The following DLL4 variants were observed in gnomAD, a reference collection of about 807,000 sequenced individuals.
The protein encoded by DLL4 is delta-like protein 4.
A neutral mutation model predicts 73.6 loss-of-function variants in DLL4; 7 were observed. The ratio of observed to expected loss-of-function variants is 0.10; its 90% CI spans 0.05 to 0.18. DLL4 has a LOEUF of 0.18. Among genes scored for constraint, DLL4 ranks in the 10% least tolerant of loss-of-function variants. The probability of loss-of-function intolerance (pLI) is 1.00; values close to 1 mark genes in which losing one functional copy is unlikely to be tolerated. For missense variants in DLL4, 614 were observed against 929.9 expected (o/e 0.66, Z 4.42); for synonymous variants, 345 against 374.3 (o/e 0.92, Z 0.90).
chr15:40,932,864 T>C (rs1448663884), intron 6 of DLL4, among the ~76,000 whole-genome samples: 4 of 152,156 alleles, frequency 2.6e-5, no homozygotes, highest in Non-Finnish European at 5.9e-5. Flanking sequence ...TCCGGTGGGG[T>C]GTGCCCACCG....
chr15:40,931,764 A>T lies in DLL4; in HGVS notation c.656A>T (p.Gln219Leu), dbSNP rs1255385683. 1 of 1,613,476 alleles carries T rather than the reference A, an allele frequency of 6.2e-7. No individual in the cohort carries two copies. The highest frequency in any genetic ancestry group is 8.5e-7 in the Non-Finnish European group (1 of 1,179,840). Residue 219 changes from glutamine (Q) to leucine (L), a missense_variant and splice_region_variant, in exon 4 of 11, where the codon CAG becomes CTG. By Grantham distance (113) the Gln-to-Leu change is moderately radical (BLOSUM62 -2). Coordinates refer to ENST00000249749, the MANE Select transcript of DLL4 (RefSeq NM_019074.4). The part of the protein sequence containing the change: ...LPGWTGEYCQ[Q>L]PICLSGCHEQ... The stretch of plus-strand genomic sequence containing the variant: ...GGTTGGACTGGGGAATATTGCCAAC[A>T]GCGTAAGCAGTCAAGCTCCCACCTG...
Position 40,930,983 on chromosome 15 carries a change from C to A in DLL4, c.394+301C>A. 2 of 517,718 alleles carry A rather than the reference C, an allele frequency of 3.9e-6. No individual in the cohort carries two copies. Among genetic ancestry groups the A allele is most frequent in the South Asian group, 5.0e-5 (2 of 40,032 alleles). The allele number at this position is 517,718 out of a possible 1,614,324, so 32.1% of individuals were successfully genotyped here. On this transcript the variant is annotated intron_variant, in intron 3 of 10. Transcript: ENST00000249749. The surrounding 1 kb of genome is among the most constrained non-coding windows in gnomAD (Gnocchi z 5.7). ...TATTTTACACCTTTCGCGAATTCCG[C>A]TCCTTTGGAAAGGGAATAATGGCTT...
chr15:40,930,191 C>T lies in DLL4; in HGVS notation c.336+75C>T. 1 of 1,528,644 alleles carries T rather than the reference C, an allele frequency of 6.5e-7. No homozygotes were observed. Among genetic ancestry groups the T allele is most frequent in the Non-Finnish European group, 8.8e-7 (1 of 1,134,450 alleles). 94.7% of individuals were successfully genotyped at this position (1,528,644 alleles called of 1,614,324 possible). A position where few individuals can be genotyped will look rare whatever the true frequency, so the allele number is the denominator to read the frequency against. ...GCGCCCTGGGACCAAAGCCCCCTCCCCAGATTTCCTTGTACACACACCCCC... is the reference window on the plus strand; with the variant it reads ...GCGCCCTGGGACCAAAGCCCCCTCCTCAGATTTCCTTGTACACACACCCCC... On this transcript the variant is annotated intron_variant, in intron 2 of 10. Transcript: ENST00000249749. The surrounding 1 kb of genome is among the most constrained non-coding windows in gnomAD (Gnocchi z 5.7).
At chr15:40,931,964 C>G (rs959382452) in intron 4 of DLL4, among the ~76,000 whole-genome samples, 198 bp downstream of exon 4, 3 of 152,232 alleles carry the variant, frequency 2.0e-5, no homozygotes, top group Non-Finnish European at 1.5e-5. Flanking sequence ...CCAAAGCCCA[C>G]AAGAACCCCA....
intron 6 of DLL4, 40 bp downstream of exon 6, chr15:40,932,487 A>T: frequency 1.2e-6 from 2 of 1,611,502 alleles, no homozygotes; most frequent in Non-Finnish European, 1.7e-6. Context: ...GGTGCAAGAG[A>T]TATGGGGCTG....
intron 6 of DLL4, among the ~76,000 whole-genome samples, 191 bp downstream of exon 6, chr15:40,932,638 G>A (rs1018772377): frequency 7.2e-5 from 11 of 152,166 alleles, no homozygotes; most frequent in South Asian, 2.1e-4. Context: ...TCCTTCTCCA[G>A]GTGCGGCGGC....
At position 40,930,567 on chromosome 15, in the gene DLL4, C is replaced by A; in HGVS notation, c.337-58C>A. The A allele has an allele frequency of 6.9e-7, 1 of 1,442,612 alleles. No individual in the cohort carries two copies. Among genetic ancestry groups the A allele is most frequent in the East Asian group, 2.3e-5 (1 of 43,726 alleles). The allele number at this position is 1,442,612 out of a possible 1,614,324, so 89.4% of individuals were successfully genotyped here. A position where few individuals can be genotyped will look rare whatever the true frequency, so the allele number is the denominator to read the frequency against. ...TTAAACAGGCTGCCGCAAGGCACCC[C>A]CACCTCTCCCCGCTTGCTCATCTCG... On this transcript the variant is annotated intron_variant, in intron 2 of 10. Coordinates refer to ENST00000249749, the MANE Select transcript of DLL4 (RefSeq NM_019074.4). This position sits in a 1 kb window ranked among gnomAD's most constrained non-coding sequence, Gnocchi z 5.7.
Position 40,931,642 on chromosome 15 carries a change from C to T in DLL4, c.534C>T (p.Asn178=), listed in dbSNP as rs753354782. Residue 178 remains asparagine (N), a synonymous_variant, in exon 4 of 11, where the codon AAC becomes AAT. Transcript: ENST00000249749. ...CTTACCGGGTCATCTGCAGTGACAA[C>T]TACTATGGAGACAACTGCTCCCGCC... The part of the protein sequence containing the change: ...RYSYRVICSD[N]YYGDNCSRLC... 13 of 1,613,402 alleles carry T rather than the reference C, an allele frequency of 8.1e-6. No individual in the cohort carries two copies. The South Asian group carries it at 1.4e-4, about 18-fold the overall frequency.
At position 40,934,830 on chromosome 15, in the gene DLL4, C is replaced by A. The variant is rs1007637173; in HGVS notation, c.1021-68C>A. The A allele has an allele frequency of 3.8e-6, 6 of 1,586,594 alleles. No individual in the cohort carries two copies. The African/African-American group carries it at 8.0e-5, about 21-fold the overall frequency. ...GGACAGGCATTGTGGGCAGGTGGAGCCCAGCCTTCAGTCACACATCCCTGC... is the reference window on the plus strand; with the variant it reads ...GGACAGGCATTGTGGGCAGGTGGAGACCAGCCTTCAGTCACACATCCCTGC... On this transcript the variant is annotated intron_variant, in intron 7 of 10. Coordinates refer to ENST00000249749, the MANE Select transcript of DLL4 (RefSeq NM_019074.4).
chr15:40,935,225 C>T, intron 8 of DLL4, 108 bp downstream of exon 8: 1 of 1,114,506 alleles, frequency 9.0e-7, no homozygotes, highest in Non-Finnish European at 1.3e-6. Context: ...CACTCTGGCC[C>T]CCCATCTGCT....
chr15:40,930,504 GA>G lies in DLL4; in HGVS notation c.337-120del. On this transcript the variant is annotated intron_variant, in intron 2 of 10. Coordinates refer to ENST00000249749, the MANE Select transcript of DLL4 (RefSeq NM_019074.4). This position sits in a 1 kb window ranked among gnomAD's most constrained non-coding sequence, Gnocchi z 5.7. ...ACACTGTGCACAGCCCCGTTATGTTGACCCGGGCGCAGTAACTGAATCCTGC... is the reference window on the plus strand; with the variant it reads ...ACACTGTGCACAGCCCCGTTATGTTGCCCGGGCGCAGTAACTGAATCCTGC... 1.2e-6 allele frequency: 1 copy of G among 839,504 alleles called. No homozygotes were observed. Among genetic ancestry groups the G allele is most frequent in the South Asian group, 1.6e-5 (1 of 64,324 alleles). 52.0% of individuals were successfully genotyped at this position (839,504 alleles called of 1,614,324 possible).
In DLL4 at chr15:40,930,581, T is replaced by C; in HGVS notation, c.337-44T>C. 4 of 1,550,598 alleles carry C rather than the reference T, an allele frequency of 2.6e-6. No homozygotes were observed. The South Asian group carries it at 3.4e-5, about 13-fold the overall frequency. ...GCAAGGCACCCCCACCTCTCCCCGC[T>C]TGCTCATCTCGCCATCTCTCCGTCC... On this transcript the variant is annotated intron_variant, in intron 2 of 10. Transcript: ENST00000249749. The surrounding 1 kb of genome is among the most constrained non-coding windows in gnomAD (Gnocchi z 5.7).
Position 40,932,132 on chromosome 15 carries a change from G to C in DLL4, c.659-39G>C, listed in dbSNP as rs141228754. ...GTGAGAATGGGGCTTAAGAGTCCTT[G>C]GTATCCCAGCCTCACCCAGCTCTGT... On this transcript the variant is annotated intron_variant, in intron 4 of 10. Transcript: ENST00000249749. 5.1e-5 allele frequency: 83 copies of C among 1,611,938 alleles called. No homozygotes were observed. In the East Asian group the frequency reaches 1.8e-3, roughly 35 times the overall value.
chr15:40,935,236 C>G (rs1252144132), intron 8 of DLL4, 119 bp downstream of exon 8: 4 of 1,022,028 alleles, frequency 3.9e-6, no homozygotes, highest in African/African-American at 1.6e-5. Flanking sequence ...CCCATCTGCT[C>G]TGGAGGGCGA....
rs141118229 is a variant in DLL4 at position 40,934,813 on chromosome 15, A to G, written c.1021-85A>G. On this transcript the variant is annotated intron_variant, in intron 7 of 10. Coordinates refer to ENST00000249749, the MANE Select transcript of DLL4 (RefSeq NM_019074.4). ...AGTGGATGTACAGCCATGGACAGGC[A>G]TTGTGGGCAGGTGGAGCCCAGCCTT... is the stretch of plus-strand genomic sequence containing the variant. 65 of 1,586,414 alleles carry G rather than the reference A, an allele frequency of 4.1e-5. 1 individual carries two copies. The Middle Eastern group carries it at 6.8e-4, about 17-fold the overall frequency.
intron 10 of DLL4, 26 bp downstream of exon 10, chr15:40,937,552 CT>C: frequency 6.5e-7 from 1 of 1,531,322 alleles, no homozygotes; most frequent in Non-Finnish European, 9.1e-7. Flanking sequence ...GCCTTTCCTT[CT>C]GCCTTTTGTG....
In DLL4 at chr15:40,938,108, C is replaced by A; in HGVS notation, c.*74C>A. 7.0e-7 allele frequency: 1 copy of A among 1,430,390 alleles called. No individual in the cohort carries two copies. The highest frequency in any genetic ancestry group is 9.3e-7 in the Non-Finnish European group (1 of 1,078,816). The allele number at this position is 1,430,390 out of a possible 1,614,324, so 88.6% of individuals were successfully genotyped here. A position where few individuals can be genotyped will look rare whatever the true frequency, so the allele number is the denominator to read the frequency against. On this transcript the variant is annotated 3_prime_UTR_variant, in exon 11 of 11. Transcript: ENST00000249749. ...CCTTCTGCATTGTTTACATTGCATC[C>A]TGGATGGGACGTTTTTCATATGCAA...
Position 40,936,559 on chromosome 15 carries a change from G to A in DLL4, c.1572G>A (p.Pro524=), listed in dbSNP as rs550859837. 6.3e-5 allele frequency: 102 copies of A among 1,609,328 alleles called. 3 individuals are homozygous for A. The South Asian group carries it at 9.4e-4, about 15-fold the overall frequency. ...GCTGCGAGTTCCCCGTGGGCTTGCCGCCCAGCTTCCCCTGGGTGGCCGTCT... is the reference window on the plus strand; with the variant it reads ...GCTGCGAGTTCCCCGTGGGCTTGCCACCCAGCTTCCCCTGGGTGGCCGTCT... ...GSRCEFPVGL[P]PSFPWVAVSL... Residue 524 remains proline (P), a synonymous_variant, in exon 9 of 11, where the codon CCG becomes CCA. Transcript: ENST00000249749.
chr15:40,929,813 C>T lies in DLL4; in HGVS notation c.67-34C>T, dbSNP rs1892737276. ...CCGGGCACCAGCTGAGCTGACCGGT[C>T]CCCTCCCTCCTTCCCTCGGTCCCTG... On this transcript the variant is annotated intron_variant, in intron 1 of 10. Coordinates refer to ENST00000249749, the MANE Select transcript of DLL4 (RefSeq NM_019074.4). This position sits in a 1 kb window ranked among gnomAD's most constrained non-coding sequence, Gnocchi z 7.1. 6.2e-7 allele frequency: 1 copy of T among 1,608,646 alleles called. No homozygotes were observed. The highest frequency in any genetic ancestry group is 1.1e-5 in the South Asian group (1 of 91,012).
Sources: allele counts gnomAD v4.1 joint callset (sites outside exome capture counted in the v4.1 genomes callset), GRCh38; gene constraint gnomAD v4.1.1; non-coding constraint Gnocchi (gnomAD v3.1); transcripts MANE v1.5; gene names NCBI Gene and HGNC (gene_info 2026-07-23, HGNC 2026-07-21).